NOB1: variants seen among roughly 807,000 people sequenced by gnomAD.
NOB1 encodes RNA-binding protein NOB1.
NOB1 carries 44 observed loss-of-function variants against 44.8 expected under a neutral mutation model. That is an observed-to-expected ratio of 0.98 (90% confidence interval 0.77 to 1.26). NOB1 has a LOEUF of 1.26. Among genes scored for constraint, NOB1 ranks in the 50% most tolerant of loss-of-function variants. The probability of loss-of-function intolerance (pLI) is 0.00; values close to 1 mark genes in which losing one functional copy is unlikely to be tolerated. For synonymous variants in NOB1, 238 were observed against 218.7 expected, an observed-to-expected ratio of 1.09 and a Z score of -0.78; for missense variants, 560 against 544.8, an observed-to-expected ratio of 1.03 and a Z score of -0.28.
chr16:69,752,790 CG>C (rs1323232676), intron 2 of NOB1, among the ~76,000 whole-genome samples: 2 of 151,924 alleles, frequency 1.3e-5, no homozygotes, highest in Non-Finnish European at 2.9e-5. Flanking sequence ...AAAATTATCC[CG>C]GTGTGGTAGC....
Position 69,744,842 on chromosome 16 carries a change from TTGGGAGGGGAC to T in NOB1, c.969+20_969+30del, listed in dbSNP as rs774445903. 7 of 1,606,728 alleles carry T rather than the reference TTGGGAGGGGAC, an allele frequency of 4.4e-6. No homozygotes were observed. Among genetic ancestry groups the T allele is most frequent in the Non-Finnish European group, 5.9e-6 (7 of 1,177,772 alleles). On this transcript the variant is annotated intron_variant, in intron 8 of 8. Transcript: ENST00000268802. ...CTTTCTGTTCTTTTTCACTCTGGTGTTGGGAGGGGACTGGGAGAGGCGCCACTCACCCGGAG... is the reference window on the plus strand; with the variant it reads ...CTTTCTGTTCTTTTTCACTCTGGTGTTGGGAGAGGCGCCACTCACCCGGAG...
chr16:69,752,121 A>C, intron 3 of NOB1, 120 bp downstream of exon 3: 7 of 885,178 alleles, frequency 7.9e-6, no homozygotes, highest in Non-Finnish European at 9.1e-6. Flanking sequence ...AGACTAGCTA[A>C]GAGATAATTG....
At chr16:69,742,807 C>T (rs1347305281) in intron 8 of NOB1, among the ~76,000 whole-genome samples, 2 of 152,130 alleles carry the variant, frequency 1.3e-5, no homozygotes, top group African/African-American at 2.4e-5. Context: ...AAACCGAACA[C>T]GGTATTTTGA....
At chr16:69,752,217 T>A (rs758792522) in intron 3 of NOB1, 24 bp downstream of exon 3, 1 of 1,605,356 alleles carries the variant, frequency 6.2e-7, no homozygotes, top group Non-Finnish European at 8.5e-7. Context: ...ACAAAGCTTT[T>A]AAAAACCCAT....
In NOB1 at chr16:69,752,292, C is replaced by T. The variant is rs549487339; in HGVS notation, c.276G>A (p.Gln92=). ...ACACCCCAACAAACTCTGCTTCCAA[C>T]TGGTATGTGAGTGCAAGCACTTGGA... ...TDIQVLALTY[Q]LEAEFVGVSH... is the part of the protein sequence containing the mutation. Residue 92 remains glutamine, a synonymous_variant, in exon 3 of 9, where the codon CAG becomes CAA. Coordinates refer to ENST00000268802, the MANE Select transcript of NOB1 (RefSeq NM_014062.3). 1.2e-6 allele frequency: 2 copies of T among 1,613,632 alleles called. No homozygotes were observed. The highest frequency in any genetic ancestry group is 2.2e-5 in the South Asian group (2 of 91,054).
At chr16:69,743,980 GAA>G (rs2038406976) in intron 8 of NOB1, among the ~76,000 whole-genome samples, 1 of 152,208 alleles carries the variant, frequency 6.6e-6, no homozygotes, top group South Asian at 2.1e-4. Flanking sequence ...TGTATAAAGA[GAA>G]AGCAGACGTG....
chr16:69,748,383 A>C (rs1436787129), intron 6 of NOB1, 54 bp from the exon 7 acceptor site: 10 of 1,528,618 alleles, frequency 6.5e-6, no homozygotes, highest in Non-Finnish European at 9.0e-6. Context: ...TTCATTTTGT[A>C]ATTACAGTTA....
Position 69,742,145 on chromosome 16 carries a change from G to T in NOB1, c.*187C>A. The T allele has an allele frequency of 1.6e-6, 1 of 642,336 alleles. No homozygotes were observed. Among genetic ancestry groups the T allele is most frequent in the Non-Finnish European group, 2.6e-6 (1 of 389,740 alleles). The allele number at this position is 642,336 out of a possible 1,614,324, so 39.8% of individuals were successfully genotyped here. The stretch of plus-strand genomic sequence containing the variant: ...TTGGCAGGCAGCCAGGCGCTCCGGT[G>T]CTCACAGGCCATGGGACAGTCCAGT... On this transcript the variant is annotated 3_prime_UTR_variant, in exon 9 of 9. Coordinates refer to ENST00000268802, the MANE Select transcript of NOB1 (RefSeq NM_014062.3).
intron 8 of NOB1, among the ~76,000 whole-genome samples, chr16:69,743,188 A>G (rs1339972958): frequency 1.3e-5 from 2 of 152,224 alleles, no homozygotes; most frequent in Non-Finnish European, 2.9e-5. Context: ...CCTGTAGACT[A>G]TGACAGAAAT....
chr16:69,742,388 C>G lies in NOB1; in HGVS notation c.1183G>C (p.Gly395Arg). The change falls in exon 9 of 9, where the codon GGG becomes CGG. Residue 395 changes from glycine (G) to arginine (R), a missense_variant. By Grantham distance (125) the Gly-to-Arg change is moderately radical (BLOSUM62 -2). Coordinates refer to ENST00000268802, the MANE Select transcript of NOB1 (RefSeq NM_014062.3). Reference protein sequence around the residue: ...LQVRDSTLGAGRRRLNPNASR... With the variant: ...LQVRDSTLGARRRRLNPNASR... ...GCGTTGGGATTTAAGCGTCTCCGCC[C>G]AGCTCCCAAGGTGCTGTCCCGGACC... The G allele has an allele frequency of 6.2e-7, 1 of 1,614,276 alleles. No individual in the cohort carries two copies. Among genetic ancestry groups the G allele is most frequent in the Non-Finnish European group, 8.5e-7 (1 of 1,180,046 alleles).
At chr16:69,745,079 G>C (rs767069235) in intron 7 of NOB1, 62 bp from the exon 8 acceptor site, 2 of 1,579,218 alleles carry the variant, frequency 1.3e-6, no homozygotes, top group East Asian at 2.2e-5. Context: ...CCTCCCCAGA[G>C]CACAAGGTGG....
rs2038449348 is a variant in NOB1, at chr16:69,748,223, G to A, written c.824+9C>T. 1.9e-6 allele frequency: 3 copies of A among 1,607,558 alleles called. No homozygotes were observed. Among genetic ancestry groups the A allele is most frequent in the Non-Finnish European group, 1.7e-6 (2 of 1,174,288 alleles). ...AGAGGGCACCAGGGCCAGGGCACCAGCTACATACTTGAAACAGCCATGGCA... is the reference window on the plus strand; with the variant it reads ...AGAGGGCACCAGGGCCAGGGCACCAACTACATACTTGAAACAGCCATGGCA... On this transcript the variant is annotated intron_variant, in intron 7 of 8. Coordinates refer to ENST00000268802, the MANE Select transcript of NOB1 (RefSeq NM_014062.3).
In NOB1 at chr16:69,748,284, T is replaced by G; in HGVS notation, c.772A>C (p.Met258Leu). ...TAGCTCCGGGCCTCACGAATCAGCATGCCGTTCACCGCCAGCACGTGCAGC... is the reference window on the plus strand; with the variant it reads ...TAGCTCCGGGCCTCACGAATCAGCAGGCCGTTCACCGCCAGCACGTGCAGC... ...MGLHVLAVNG[M>L]LIREARSYIL... Residue 258 changes from methionine to leucine, a missense_variant, in exon 7 of 9, where the codon ATG (methionine) becomes CTG (leucine). By Grantham distance (15) the Met-to-Leu change is conservative (BLOSUM62 2). Transcript: ENST00000268802. 6.2e-7 allele frequency: 1 copy of G among 1,614,138 alleles called. No homozygotes were observed. The highest frequency in any genetic ancestry group is 8.5e-7 in the Non-Finnish European group (1 of 1,179,980).
At chr16:69,748,481 C>T (rs192409026) in intron 6 of NOB1, 152 bp from the exon 7 acceptor site, 364 of 655,800 alleles carry the variant, frequency 5.6e-4, no homozygotes, top group African/African-American at 4.5e-3. Context: ...GATGTGTAAA[C>T]GAGGACGAAG....
Position 69,744,538 on chromosome 16 carries a change from C to T in NOB1, c.969+335G>A, listed in dbSNP as rs546427134. On this transcript the variant is annotated intron_variant, in intron 8 of 8. Transcript: ENST00000268802. ...ATCTAGCCCGTCCGGCCCTCTCTTC[C>T]GTGCTGTGCTTTCCACACCCGTTCC... Among the ~76,000 whole-genome samples the T allele has an allele frequency of 2.6e-5, 4 of 152,262 alleles. No homozygotes were observed. The East Asian group carries it at 5.8e-4, about 22-fold the overall frequency.
At chr16:69,750,086 C>T (rs1413219984) in intron 3 of NOB1, among the ~76,000 whole-genome samples, 2 of 148,750 alleles carry the variant, frequency 1.3e-5, no homozygotes, top group East Asian at 4.0e-4. Context: ...GCAACCTAAC[C>T]TCCGACTCCC....
rs1462644831 is a variant in NOB1, at chr16:69,742,417, A to G, written c.1154T>C (p.Leu385Pro). 3 of 1,614,110 alleles carry G rather than the reference A, an allele frequency of 1.9e-6. No homozygotes were observed. The highest frequency in any genetic ancestry group is 1.3e-5 in the African/African-American group (1 of 74,946). ...ENDISSRSAT[L>P]QVRDSTLGAG... ...TCCCAAGGTGCTGTCCCGGACCTGC[A>G]GGGTAGCTGAGCGGCTGGAGATGTC... The change falls in exon 9 of 9, where the codon CTG becomes CCG. Residue 385 changes from leucine to proline, a missense_variant. By Grantham distance (98) the Leu-to-Pro change is moderately conservative. Transcript: ENST00000268802.
At chr16:69,745,042 C>T in intron 7 of NOB1, 25 bp from the exon 8 acceptor site, 1 of 1,613,468 alleles carries the variant, frequency 6.2e-7, no homozygotes, top group Non-Finnish European at 8.5e-7. Context: ...AGGAGATGAT[C>T]TGTACCAAAG....
chr16:69,746,083 G>A (rs1170023647), intron 7 of NOB1, among the ~76,000 whole-genome samples: 1 of 152,240 alleles, frequency 6.6e-6, no homozygotes, highest in Non-Finnish European at 1.5e-5. Flanking sequence ...TCTGAGGAGT[G>A]GCTGGCCACC....
Sources: gnomAD v4.1 joint callset for allele counts (sites outside exome capture counted in the v4.1 genomes callset) on GRCh38, gnomAD v4.1.1 for gene constraint, MANE v1.5 for transcripts, NCBI Gene and HGNC (gene_info 2026-07-23, HGNC 2026-07-21) for gene names.